Variants in MYCBPAP observed in about 807,000 individuals in gnomAD.
MYCBPAP encodes MYCBP associated protein, also known as MYCBP-associated protein.
A neutral mutation model predicts 106.1 loss-of-function variants in MYCBPAP; 60 were observed. The ratio of observed to expected loss-of-function variants is 0.57; its 90% CI spans 0.46 to 0.70. The LOEUF is 0.70. Ranked by LOEUF, MYCBPAP falls within the 30% of genes least tolerant of loss-of-function variation. MYCBPAP has a pLI of 0.00. For missense variants in MYCBPAP, 1,064 were observed against 1,169.3 expected (o/e 0.91, Z 1.31); for synonymous variants, 407 against 440.6 (o/e 0.92, Z 0.95).
At chr17:50,526,591 AT>A (rs11313067) in intron 14 of MYCBPAP, among the ~76,000 whole-genome samples, 107,952 of 149,170 alleles carry the variant, frequency 0.72, 39,286 homozygotes, top group East Asian at 0.87. Flanking sequence ...CACCTGGCTA[AT>A]TTTTTTTTTT....
intron 14 of MYCBPAP, 30 bp downstream of exon 14, chr17:50,526,297 A>G (rs896772571): frequency 1.3e-6 from 2 of 1,555,878 alleles, no homozygotes; most frequent in African/African-American, 1.4e-5. Flanking sequence ...AGGCAATGGT[A>G]GAGAATATTC....
At chr17:50,518,905 A>C in intron 5 of MYCBPAP, 69 bp from the exon 6 acceptor site, 2 of 1,504,452 alleles carry the variant, frequency 1.3e-6, no homozygotes, top group Non-Finnish European at 1.8e-6. Context: ...AGGCTGCCCG[A>C]TGCAGACTGC....
chr17:50,528,962 T>A, intron 17 of MYCBPAP, 56 bp from the exon 18 acceptor site: 1 of 1,600,652 alleles, frequency 6.2e-7, no homozygotes, highest in South Asian at 1.1e-5. Context: ...GTTGAGGACA[T>A]CCTTGGCCTA....
intron 6 of MYCBPAP, 36 bp downstream of exon 6, chr17:50,519,125 G>GTGT: frequency 6.6e-7 from 1 of 1,511,264 alleles, no homozygotes; most frequent in Non-Finnish European, 9.1e-7. Context: ...GGGGGCAGGG[G>GTGT]GGTCCATGGA....
intron 18 of MYCBPAP, among the ~76,000 whole-genome samples, chr17:50,530,890 C>T (rs969353293): frequency 6.6e-6 from 1 of 152,022 alleles, no homozygotes; most frequent in Non-Finnish European, 1.5e-5. Context: ...GCCACCTCCC[C>T]AGACTGGTTT....
intron 16 of MYCBPAP, 144 bp from the exon 17 acceptor site, chr17:50,528,551 C>T: frequency 9.4e-7 from 1 of 1,065,840 alleles, no homozygotes; most frequent in South Asian, 1.6e-5. Flanking sequence ...GCACCACAGT[C>T]CTGTTTCATG....
chr17:50,528,934 C>T, intron 17 of MYCBPAP, 84 bp from the exon 18 acceptor site: 1 of 1,595,958 alleles, frequency 6.3e-7, no homozygotes, highest in Non-Finnish European at 8.5e-7. Flanking sequence ...TGTGCCCAGG[C>T]TCTCCCAGTG....
At chr17:50,525,757 C>T (rs1410991446) in intron 13 of MYCBPAP, 124 bp from the exon 14 acceptor site, 1 of 1,191,466 alleles carries the variant, frequency 8.4e-7, no homozygotes, top group Non-Finnish European at 1.2e-6. Context: ...TCCCAAAGCA[C>T]TGGGATTGCA....
At chr17:50,514,148 C>G (rs2033958994) in intron 1 of MYCBPAP, among the ~76,000 whole-genome samples, 1 of 152,182 alleles carries the variant, frequency 6.6e-6, no homozygotes, top group Non-Finnish European at 1.5e-5. Flanking sequence ...CTCGGCCTCT[C>G]AAAGTGTTGG....
At chr17:50,524,088 T>C (rs1218091615) in intron 12 of MYCBPAP, among the ~76,000 whole-genome samples, 2 of 152,242 alleles carry the variant, frequency 1.3e-5, no homozygotes, top group East Asian at 3.8e-4. Flanking sequence ...CCCTATGTAC[T>C]GGTCTGTGTT....
intron 1 of MYCBPAP, among the ~76,000 whole-genome samples, chr17:50,512,816 C>G (rs2412320): frequency 0.59 from 90,387 of 152,130 alleles, 29,139 homozygotes; most frequent in African/African-American, 0.86. Flanking sequence ...GCTCATGCCT[C>G]TAATCCCAGC....
chr17:50,517,833 C>A (rs2034109859), intron 4 of MYCBPAP, 135 bp downstream of exon 4: 3 of 707,092 alleles, frequency 4.2e-6, no homozygotes, highest in South Asian at 1.8e-5. Flanking sequence ...TGATAAGGGA[C>A]CCTCTCCCAG....
rs2034517578 is a variant in MYCBPAP at position 50,528,080 on chromosome 17, G to A, written c.2292-75G>A. On this transcript the variant is annotated intron_variant, in intron 15 of 18. Coordinates refer to ENST00000323776, the MANE Select transcript of MYCBPAP (RefSeq NM_032133.6). ...CTCGTGGCACCAGGGTCTTTGAAGG[G>A]AGGGACCCAAGCCTCTGCAGGTTCA... 1.3e-5 allele frequency: 16 copies of A among 1,265,652 alleles called. No homozygotes were observed. In the East Asian group the frequency reaches 2.5e-4, roughly 19 times the overall value. 78.4% of individuals were successfully genotyped at this position (1,265,652 alleles called of 1,614,324 possible). A position where few individuals can be genotyped will look rare whatever the true frequency, so the allele number is the denominator to read the frequency against.
Position 50,521,522 on chromosome 17 carries a change from G to A in MYCBPAP, c.1148+91G>A. 6 of 982,876 alleles carry A rather than the reference G, an allele frequency of 6.1e-6. No homozygotes were observed. In the South Asian group the frequency reaches 8.6e-5, roughly 14 times the overall value. The allele number at this position is 982,876 out of a possible 1,614,324, so 60.9% of individuals were successfully genotyped here. ...AGCGGGCTTCCCTCCCTGAGATCAG[G>A]GTGCCTCTAGCCTAGCTTCTGTCCA... On this transcript the variant is annotated intron_variant, in intron 9 of 18. Coordinates refer to ENST00000323776, the MANE Select transcript of MYCBPAP (RefSeq NM_032133.6).
chr17:50,510,438 T>C (rs1460416702), intron 1 of MYCBPAP: 1 of 146,800 alleles, frequency 6.8e-6, no homozygotes, highest in African/African-American at 2.5e-5. Flanking sequence ...TATATATATG[T>C]ATGTATTTTA....
rs1412108921 is a variant in MYCBPAP at position 50,519,735 on chromosome 17, C to T, written c.864C>T (p.Leu288=). The change falls in exon 7 of 19, where the codon CTC becomes CTT. Residue 288 remains leucine (L), a synonymous_variant. Coordinates refer to ENST00000323776, the MANE Select transcript of MYCBPAP (RefSeq NM_032133.6). ...CCAAGACAAAAACTCAGCGTGGCCT[C>T]ATGGAGCCCATCACTCACATCAGGA... is the stretch of plus-strand genomic sequence containing the variant. The part of the protein sequence containing the change: ...VMTKTKTQRG[L]MEPITHIRKP... The T allele has an allele frequency of 1.2e-6, 2 of 1,614,104 alleles. No individual in the cohort carries two copies. The highest frequency in any genetic ancestry group is 4.5e-5 in the East Asian group (2 of 44,880).
intron 1 of MYCBPAP, chr17:50,509,433 C>A: frequency 2.6e-6 from 1 of 379,408 alleles, no homozygotes; most frequent in Non-Finnish European, 4.9e-6. Flanking sequence ...TGATAGCGGA[C>A]TGACTTCCAT....
At chr17:50,522,340 TA>T (rs1469194527) in intron 10 of MYCBPAP, 1 of 334,630 alleles carries the variant, frequency 3.0e-6, no homozygotes, top group Non-Finnish European at 5.7e-6. Flanking sequence ...GGTATGGCTC[TA>T]AGAAGGTTCC....
chr17:50,525,827 CTG>C, intron 13 of MYCBPAP, 52 bp from the exon 14 acceptor site: 1 of 1,520,418 alleles, frequency 6.6e-7, no homozygotes, highest in Non-Finnish European at 8.7e-7. Context: ...ATTGAAGAAA[CTG>C]GGGCCTGCAC....
Sources: allele counts gnomAD v4.1 joint callset (sites outside exome capture counted in the v4.1 genomes callset), GRCh38; gene constraint gnomAD v4.1.1; transcripts MANE v1.5; gene names NCBI Gene and HGNC (gene_info 2026-07-23, HGNC 2026-07-21).